FAM20A: variants seen among roughly 807,000 people sequenced by gnomAD.
The protein encoded by FAM20A is FAM20A golgi associated secretory pathway pseudokinase, also known as pseudokinase FAM20A.
In FAM20A, 42 loss-of-function variants were observed where a neutral mutation model predicts 52.0. That is an observed-to-expected ratio of 0.81 (90% CI 0.63 to 1.04). FAM20A has a LOEUF of 1.04. Ranked by LOEUF, FAM20A falls within the 50% of genes least tolerant of loss-of-function variation. FAM20A has a pLI of 0.00. For synonymous variants in FAM20A, 304 were observed against 298.9 expected (o/e 1.02, Z -0.18); for missense variants, 742 against 712.7 (o/e 1.04, Z -0.47).
At chr17:68,579,631 T>G (rs567931814) in intron 1 of FAM20A, among the ~76,000 whole-genome samples, 2 of 152,304 alleles carry the variant, frequency 1.3e-5, no homozygotes, top group East Asian at 3.9e-4. Flanking sequence ...GAGTGGCTTT[T>G]CAAAACAAGA....
At chr17:68,591,093 CTGTT>C (rs1454759162) in intron 1 of FAM20A, among the ~76,000 whole-genome samples, 133 of 149,946 alleles carry the variant, frequency 8.9e-4, no homozygotes, top group African/African-American at 2.5e-3. Flanking sequence ...TCCAAGGACT[CTGTT>C]TTGTTTTGTT....
At chr17:68,585,633 TG>T in intron 1 of FAM20A, among the ~76,000 whole-genome samples, 1 of 152,318 alleles carries the variant, frequency 6.6e-6, no homozygotes. Flanking sequence ...AAAGCCCTGC[TG>T]AAAAAATCCA....
upstream of FAM20A, chr17:68,601,367 TC>T (rs2088618247): frequency 6.6e-6 from 1 of 152,154 alleles, no homozygotes; most frequent in Admixed American, 6.5e-5. Context: ...GACGGCCAAC[TC>T]CCGATCCGAA....
rs1437037045 is a variant in FAM20A at position 68,536,095 on chromosome 17, G to C, written c.*1382C>G. On this transcript the variant is annotated 3_prime_UTR_variant, in exon 11 of 11. Coordinates refer to ENST00000592554, the MANE Select transcript of FAM20A (RefSeq NM_017565.4). ...GATTTTAGAGAGACACAAAGTCCAG[G>C]GGCAGCATACCAGTCATGTGGGGGT... The C allele has an allele frequency of 2.2e-6, 1 of 454,056 alleles. No homozygotes were observed. Among genetic ancestry groups the C allele is most frequent in the Non-Finnish European group, 4.4e-6 (1 of 226,792 alleles). The allele number at this position is 454,056 out of a possible 1,614,324, so 28.1% of individuals were successfully genotyped here.
chr17:68,547,405 A>G (rs1490779512), intron 4 of FAM20A, among the ~76,000 whole-genome samples: 2 of 152,208 alleles, frequency 1.3e-5, no homozygotes, highest in Non-Finnish European at 2.9e-5. Flanking sequence ...CTATGGGGAA[A>G]GTCCCAGATG....
At position 68,551,918 on chromosome 17, in the gene FAM20A, A is replaced by C; in HGVS notation, c.674T>G (p.Val225Gly). The change falls in exon 4 of 11, where the codon GTG (valine) becomes GGG (glycine). Residue 225 changes from valine (V) to glycine (G), a missense_variant. Transcript: ENST00000592554. Reference sequence around the variant, plus strand: ...CTTCCCGAAATCCGAGAACCTCAGCACCAGCTTGAGGTGGACCCCACTGGG... The same window carrying C: ...CTTCCCGAAATCCGAGAACCTCAGCCCCAGCTTGAGGTGGACCCCACTGGG... ...VKPSGVHLKL[V>G]LRFSDFGKAM... The C allele has an allele frequency of 6.3e-7, 1 of 1,591,812 alleles. No individual in the cohort carries two copies. Among genetic ancestry groups the C allele is most frequent in the Non-Finnish European group, 8.6e-7 (1 of 1,167,530 alleles).
At chr17:68,562,909 C>G (rs2087256410) in intron 1 of FAM20A, among the ~76,000 whole-genome samples, 3 of 152,164 alleles carry the variant, frequency 2.0e-5, no homozygotes, top group Non-Finnish European at 2.9e-5. Context: ...GACCAGAAAG[C>G]CTGCCTGGTA....
chr17:68,542,574 G>A (rs766101285), intron 6 of FAM20A, 120 bp downstream of exon 6: 139 of 792,918 alleles, frequency 1.8e-4, no homozygotes, highest in Non-Finnish European at 2.3e-4. Flanking sequence ...AACTTCATAC[G>A]CCCATCCCAG....
At position 68,600,400 on chromosome 17, in the gene FAM20A, G is replaced by A; in HGVS notation, c.267C>T (p.Ser89=). 6.2e-7 allele frequency: 1 copy of A among 1,609,540 alleles called. No individual in the cohort carries two copies. The highest frequency in any genetic ancestry group is 8.5e-7 in the Non-Finnish European group (1 of 1,178,566). The change falls in exon 1 of 11, where the codon AGC becomes AGT. Residue 89 remains serine (S), a synonymous_variant. Coordinates refer to ENST00000592554, the MANE Select transcript of FAM20A (RefSeq NM_017565.4). This position sits in a 1 kb window ranked among gnomAD's most constrained non-coding sequence, Gnocchi z 6.2. Reference sequence around the variant, plus strand: ...GGGCGAAGAGGGCCTGCAACTTGGAGCTCGACCCGCTGTGGCTGCCGCCAG... The same window carrying A: ...GGGCGAAGAGGGCCTGCAACTTGGAACTCGACCCGCTGTGGCTGCCGCCAG... ...EPAGGSHSGS[S]SKLQALFAHP... is the part of the protein sequence containing the mutation.
chr17:68,542,879 G>A (rs1395030949), intron 5 of FAM20A, 70 bp from the exon 6 acceptor site: 12 of 1,208,546 alleles, frequency 9.9e-6, no homozygotes, highest in African/African-American at 3.0e-5. Context: ...TTTGTCCCCC[G>A]GCCAGTGCAC....
At chr17:68,587,421 C>G (rs2088192582) in intron 1 of FAM20A, among the ~76,000 whole-genome samples, 2 of 152,158 alleles carry the variant, frequency 1.3e-5, no homozygotes, top group South Asian at 4.1e-4. Context: ...CATTATAATA[C>G]CTATGGAGCA....
chr17:68,535,240 T>C lies in FAM20A; in HGVS notation c.*2237A>G, dbSNP rs1290026681. The C allele has an allele frequency of 2.2e-6, 1 of 451,178 alleles. No individual in the cohort carries two copies. The highest frequency in any genetic ancestry group is 2.0e-5 in the African/African-American group (1 of 49,896). The allele number at this position is 451,178 out of a possible 1,614,324, so 27.9% of individuals were successfully genotyped here. A position where few individuals can be genotyped will look rare whatever the true frequency, so the allele number is the denominator to read the frequency against. On this transcript the variant is annotated 3_prime_UTR_variant, in exon 11 of 11. Coordinates refer to ENST00000592554, the MANE Select transcript of FAM20A (RefSeq NM_017565.4). The stretch of plus-strand genomic sequence containing the variant: ...TTTTGAGAAATGAGTCTTAATTTTG[T>C]TACTAATCAAAAAGTAATGGAAGGT...
At chr17:68,538,122 G>C (rs138335833) in intron 10 of FAM20A, among the ~76,000 whole-genome samples, 22 of 152,304 alleles carry the variant, frequency 1.4e-4, no homozygotes, top group East Asian at 7.7e-4. Flanking sequence ...GCTATTTGCT[G>C]TCTCAAAATC....
At chr17:68,594,832 G>A (rs1168610091) in intron 1 of FAM20A, among the ~76,000 whole-genome samples, 2 of 152,288 alleles carry the variant, frequency 1.3e-5, no homozygotes, top group African/African-American at 4.8e-5. Flanking sequence ...ATCAGCCCAA[G>A]AAAACTCTCT....
chr17:68,538,728 C>T (rs2086169134), intron 10 of FAM20A, among the ~76,000 whole-genome samples: 1 of 152,140 alleles, frequency 6.6e-6, no homozygotes. Flanking sequence ...AATATCAAAA[C>T]CCAGCAGACT....
chr17:68,578,838 C>CAAA (rs5821664), intron 1 of FAM20A, among the ~76,000 whole-genome samples: 2,686 of 36,054 alleles, frequency 0.074, 276 homozygotes, highest in Non-Finnish European at 0.091. Context: ...CTAAAAATAC[C>CAAA]AAAAAAAAAA....
rs1385527507 is a variant in FAM20A, at chr17:68,543,647, G to A, written c.794C>T (p.Ala265Val). Residue 265 changes from alanine (A) to valine (V), a missense_variant, in exon 5 of 11, where the codon GCA becomes GTA. Coordinates refer to ENST00000592554, the MANE Select transcript of FAM20A (RefSeq NM_017565.4). ...IDFQRHNAEI[A>V]AFHLDRILDF... is the part of the protein sequence containing the mutation. ...ACCCTACCTGTCCAGATGGAAAGCT[G>A]CGATCTCAGCATTGTGTCTCTGAAA... is the stretch of plus-strand genomic sequence containing the variant. 1 of 1,614,110 alleles carries A rather than the reference G, an allele frequency of 6.2e-7. No individual in the cohort carries two copies. Among genetic ancestry groups the A allele is most frequent in the Non-Finnish European group, 8.5e-7 (1 of 1,180,004 alleles).
intron 1 of FAM20A, chr17:68,591,759 G>T: frequency 6.6e-6 from 1 of 152,368 alleles, no homozygotes; most frequent in Non-Finnish European, 1.5e-5. Flanking sequence ...GGAGCCTCGG[G>T]AAGGTCACCC....
Position 68,539,188 on chromosome 17 carries a change from A to C in FAM20A, c.1361+149T>G, listed in dbSNP as rs1056598344. The C allele has an allele frequency of 6.8e-6, 5 of 732,082 alleles. No individual in the cohort carries two copies. The Admixed American group carries it at 8.2e-5, about 12-fold the overall frequency. The allele number at this position is 732,082 out of a possible 1,614,324, so 45.3% of individuals were successfully genotyped here. A position where few individuals can be genotyped will look rare whatever the true frequency, so the allele number is the denominator to read the frequency against. On this transcript the variant is annotated intron_variant, in intron 10 of 10. Coordinates refer to ENST00000592554, the MANE Select transcript of FAM20A (RefSeq NM_017565.4). ...TTGGCTGAGATGTCATGCAGTGCAC[A>C]AATGTGTAGGAAATAAGGTGATTCA...
Sources: gnomAD v4.1 joint callset for allele counts (sites outside exome capture counted in the v4.1 genomes callset) on GRCh38, gnomAD v4.1.1 for gene constraint, Gnocchi (gnomAD v3.1) non-coding constraint, MANE v1.5 for transcripts, NCBI Gene and HGNC (gene_info 2026-07-23, HGNC 2026-07-21) for gene names.